Variants in VIL1 observed in about 807,000 individuals in gnomAD.
VIL1 encodes the protein villin-1.
In VIL1, 86 loss-of-function variants were observed where a neutral mutation model predicts 104.0. The observed-to-expected ratio is 0.83, with a 90% CI of 0.69 to 0.99. The LOEUF is 0.99. Among genes scored for constraint, VIL1 ranks in the 50% least tolerant of loss-of-function variants. The pLI is 0.00. For missense variants in VIL1, 944 were observed against 1,054.1 expected, an observed-to-expected ratio of 0.90 and a Z score of 1.45; for synonymous variants, 394 against 412.6, an observed-to-expected ratio of 0.95 and a Z score of 0.55.
At chr2:218,427,326 CT>C (rs10716451) in intron 4 of VIL1, among the ~76,000 whole-genome samples, 113,031 of 128,552 alleles carry the variant, frequency 0.88, 50,096 homozygotes, top group South Asian at 0.98. Context: ...AATACATTTC[CT>C]TTTTTTTTTT....
chr2:218,423,978 C>T (rs951810461), intron 2 of VIL1, 125 bp downstream of exon 2: 116 of 1,039,214 alleles, frequency 1.1e-4, no homozygotes, highest in Non-Finnish European at 1.7e-5. Context: ...GAGAGCTCAG[C>T]CCCTCACCTC....
chr2:218,441,816 C>T (rs1417298301), intron 19 of VIL1, among the ~76,000 whole-genome samples: 5 of 152,042 alleles, frequency 3.3e-5, no homozygotes, highest in African/African-American at 1.2e-4. Context: ...GGTGAAACCC[C>T]ATCTCTACTA....
chr2:218,447,458 T>C (rs1689384213), intron 19 of VIL1, among the ~76,000 whole-genome samples: 1 of 151,914 alleles, frequency 6.6e-6, no homozygotes. Flanking sequence ...ACTGGGACTA[T>C]AGGCGTGCAC....
chr2:218,424,587 G>T (rs751285249), intron 3 of VIL1, among the ~76,000 whole-genome samples: 10 of 152,158 alleles, frequency 6.6e-5, no homozygotes, highest in Non-Finnish European at 1.2e-4. Context: ...ACAGTCTTGG[G>T]GAAACTTCTG....
At position 218,450,446 on chromosome 2, in the gene VIL1, C is replaced by T. The variant is rs772180476; in HGVS notation, c.*1110C>T. On this transcript the variant is annotated 3_prime_UTR_variant, in exon 20 of 20. Coordinates refer to ENST00000248444, the MANE Select transcript of VIL1 (RefSeq NM_007127.3). ...TCTGAACATAAAGAAAAAAAATCAT[C>T]TCACAAATAATGTGGCCACAGCTGC... 18 of 152,642 alleles carry T rather than the reference C, an allele frequency of 1.2e-4. No homozygotes were observed. The highest frequency in any genetic ancestry group is 1.0e-3 in the Admixed American group (16 of 15,274). 9.5% of individuals were successfully genotyped at this position (152,642 alleles called of 1,614,324 possible). A position where few individuals can be genotyped will look rare whatever the true frequency, so the allele number is the denominator to read the frequency against.
At chr2:218,432,369 TTC>T in intron 12 of VIL1, 186 bp downstream of exon 12, 1 of 929,844 alleles carries the variant, frequency 1.1e-6, no homozygotes, top group Non-Finnish European at 1.7e-6. Flanking sequence ...TTCCTTTTGG[TTC>T]TCTGAGTCTC....
intron 13 of VIL1, among the ~76,000 whole-genome samples, chr2:218,434,073 T>A (rs1689144162): frequency 6.6e-6 from 1 of 151,332 alleles, no homozygotes; most frequent in African/African-American, 2.4e-5. Flanking sequence ...AGTGGGTGCC[T>A]ACAATCCCAG....
chr2:218,429,397 AC>A lies in VIL1; in HGVS notation c.682del (p.His228ThrfsTer9). ...TCCCCGAAGCTGATGGAGGTGATGA[AC>A]CACGTGCTGGGCAAGCGCAGGGAGC... ...LASPKLMEVM[N>X]HVLGKRRELK... On this transcript the variant is annotated frameshift_variant, in exon 7 of 20. Transcript: ENST00000248444. LOFTEE classifies it high-confidence loss of function. The A allele has an allele frequency of 6.2e-7, 1 of 1,614,090 alleles. No individual in the cohort carries two copies. The highest frequency in any genetic ancestry group is 8.5e-7 in the Non-Finnish European group (1 of 1,180,028).
chr2:218,449,091 AC>A, intron 19 of VIL1, 131 bp from the exon 20 acceptor site: 1 of 704,272 alleles, frequency 1.4e-6, no homozygotes, highest in Non-Finnish European at 2.6e-6. Flanking sequence ...CTCTCCTGAC[AC>A]TGCTTCTGTT....
chr2:218,438,488 T>C (rs1700888147), intron 17 of VIL1, among the ~76,000 whole-genome samples, 170 bp from the exon 18 acceptor site: 1 of 152,204 alleles, frequency 6.6e-6, no homozygotes, highest in African/African-American at 2.4e-5. Flanking sequence ...AATCTCACCA[T>C]CTAATCTCCT....
At chr2:218,447,172 CTCCA>C (rs1689378790) in intron 19 of VIL1, among the ~76,000 whole-genome samples, 1 of 152,202 alleles carries the variant, frequency 6.6e-6, no homozygotes, top group Non-Finnish European at 1.5e-5. Context: ...TCCTGCTTTG[CTCCA>C]TCCATTAGGG....
chr2:218,432,300 C>T (rs1327802366), intron 12 of VIL1, 117 bp downstream of exon 12: 20 of 1,457,158 alleles, frequency 1.4e-5, no homozygotes, highest in African/African-American at 4.2e-5. Flanking sequence ...GGTGCTCACC[C>T]CTTCAAGAAG....
Position 218,433,157 on chromosome 2 carries a change from C to T in VIL1, c.1500+206C>T, listed in dbSNP as rs763283826. Among the ~76,000 whole-genome samples, 7 of 152,204 alleles carry T rather than the reference C, an allele frequency of 4.6e-5. No individual in the cohort carries two copies. In the East Asian group the frequency reaches 5.8e-4, roughly 13 times the overall value. ...ACTTTAGAAATACGTGTAATTGGGCCGGGCATGGTGGCTCACGCCTGCAAT... is the reference window on the plus strand; with the variant it reads ...ACTTTAGAAATACGTGTAATTGGGCTGGGCATGGTGGCTCACGCCTGCAAT... On this transcript the variant is annotated intron_variant, in intron 13 of 19. Transcript: ENST00000248444.
chr2:218,433,645 G>A (rs1357350355), intron 13 of VIL1, among the ~76,000 whole-genome samples: 2 of 151,422 alleles, frequency 1.3e-5, no homozygotes, highest in African/African-American at 4.9e-5. Flanking sequence ...GGTGGTTCAC[G>A]CCTGTAATCC....
chr2:218,435,156 C>T (rs1689167012), intron 14 of VIL1, 133 bp from the exon 15 acceptor site: 1 of 1,185,832 alleles, frequency 8.4e-7, no homozygotes, highest in Non-Finnish European at 1.2e-6. Flanking sequence ...TGGAATTGTC[C>T]CTGTGTGGCC....
rs1019378291 is a variant in VIL1, at chr2:218,430,970, G to A, written c.1102+92G>A. The A allele has an allele frequency of 4.0e-6, 6 of 1,494,620 alleles. No homozygotes were observed. In the Admixed American group the frequency reaches 6.3e-5, roughly 16 times the overall value. The allele number at this position is 1,494,620 out of a possible 1,614,324, so 92.6% of individuals were successfully genotyped here. A position where few individuals can be genotyped will look rare whatever the true frequency, so the allele number is the denominator to read the frequency against. ...CCACCACCCACCCTCCTTCCCTGAC[G>A]TGCATCTTCAACGAAGACTTTTACG... On this transcript the variant is annotated intron_variant, in intron 10 of 19. Transcript: ENST00000248444.
chr2:218,452,875 T>C lies in VIL1; in HGVS notation c.*3539T>C, dbSNP rs1294731889. The C allele has an allele frequency of 6.6e-6, 1 of 152,196 alleles. No individual in the cohort carries two copies. Among genetic ancestry groups the C allele is most frequent in the Non-Finnish European group, 1.5e-5 (1 of 68,034 alleles). 9.4% of individuals were successfully genotyped at this position (152,196 alleles called of 1,614,324 possible). ...CTAGCCAAAGAATTTTATCACCGCT[T>C]CACTCATTTATAAGAAAACCAATTA... is the stretch of plus-strand genomic sequence containing the variant. On this transcript the variant is annotated 3_prime_UTR_variant, in exon 20 of 20. Transcript: ENST00000248444.
chr2:218,430,899 G>A, intron 10 of VIL1, 21 bp downstream of exon 10: 4 of 1,603,540 alleles, frequency 2.5e-6, no homozygotes, highest in Non-Finnish European at 3.4e-6. Context: ...GGCGGGGGCA[G>A]TGAGGGAGCC....
chr2:218,428,480 A>C (rs1469874410), intron 6 of VIL1, 143 bp downstream of exon 6: 3 of 695,746 alleles, frequency 4.3e-6, no homozygotes, highest in Non-Finnish European at 7.6e-6. Flanking sequence ...GCAGGCATGC[A>C]TGTTGGAGTT....
Sources: allele counts gnomAD v4.1 joint callset (sites outside exome capture counted in the v4.1 genomes callset), GRCh38; gene constraint gnomAD v4.1.1; transcripts MANE v1.5; gene names NCBI Gene and HGNC (gene_info 2026-07-23, HGNC 2026-07-21).